ZFP41: variants seen among roughly 807,000 people sequenced by gnomAD.
ZFP41 encodes zinc finger protein 41 homolog.
A neutral mutation model predicts 11.6 loss-of-function variants in ZFP41; 10 were observed. That is an observed-to-expected ratio of 0.86 (90% CI 0.53 to 1.47). The LOEUF (loss-of-function observed/expected upper bound fraction) is 1.47. Ranked by LOEUF, ZFP41 falls within the 40% of genes most tolerant of loss-of-function variation. ZFP41 has a pLI of 0.00. For missense variants in ZFP41, 302 were observed against 264.6 expected, an observed-to-expected ratio of 1.14 and a Z score of -0.98; for synonymous variants, 123 against 100.9, an observed-to-expected ratio of 1.22 and a Z score of -1.31.
At chr8:143,259,722 G>A (rs1366751681) in intron 2 of ZFP41, 53 bp from the exon 3 acceptor site, 1 of 152,034 alleles carries the variant, frequency 6.6e-6, no homozygotes, top group African/African-American at 2.4e-5. Context: ...CAGAGGAACC[G>A]GGTAATCACC....
Position 143,262,015 on chromosome 8 carries a change from G to A in ZFP41, c.*3141G>A, listed in dbSNP as rs984555513. 2 of 208,642 alleles carry A rather than the reference G, an allele frequency of 9.6e-6. No homozygotes were observed. Among genetic ancestry groups the A allele is most frequent in the African/African-American group, 5.0e-5 (2 of 40,284 alleles). 12.9% of individuals were successfully genotyped at this position (208,642 alleles called of 1,614,324 possible). A position where few individuals can be genotyped will look rare whatever the true frequency, so the allele number is the denominator to read the frequency against. ...GCACCTGCCACGCCCGTCTCCGGCAGCCCCTGCCTGCACCCGCACCCCTCA... is the reference window on the plus strand; with the variant it reads ...GCACCTGCCACGCCCGTCTCCGGCAACCCCTGCCTGCACCCGCACCCCTCA... On this transcript the variant is annotated 3_prime_UTR_variant, in exon 3 of 3. Transcript: ENST00000330701.
rs1563730554 is a variant in ZFP41, at chr8:143,260,087, G to GTCGTGCAGGGAAGCACCCTCTGAAA, written c.*1258_*1282dup. 86 of 56,184 alleles carry GTCGTGCAGGGAAGCACCCTCTGAAA rather than the reference G, an allele frequency of 1.5e-3. 1 individual carries two copies. The highest frequency in any genetic ancestry group is 5.0e-3 in the African/African-American group (76 of 15,144). 3.5% of individuals were successfully genotyped at this position (56,184 alleles called of 1,614,324 possible). ...ATCGTGCAGGGAAGCACCCTGTGAA[G>GTCGTGCAGGGAAGCACCCTCTGAAA]TCGTGCAGGGAAGCACCCTCTGAAA... On this transcript the variant is annotated 3_prime_UTR_variant, in exon 3 of 3. Coordinates refer to ENST00000330701, the MANE Select transcript of ZFP41 (RefSeq NM_173832.6).
chr8:143,260,754 G>A lies in ZFP41; in HGVS notation c.*1880G>A. 5.5e-6 allele frequency: 1 copy of A among 181,476 alleles called. No individual in the cohort carries two copies. Among genetic ancestry groups the A allele is most frequent in the South Asian group, 8.1e-5 (1 of 12,418 alleles). The allele number at this position is 181,476 out of a possible 1,614,324, so 11.2% of individuals were successfully genotyped here. A position where few individuals can be genotyped will look rare whatever the true frequency, so the allele number is the denominator to read the frequency against. On this transcript the variant is annotated 3_prime_UTR_variant, in exon 3 of 3. Coordinates refer to ENST00000330701, the MANE Select transcript of ZFP41 (RefSeq NM_173832.6). Reference sequence around the variant, plus strand: ...TTGCTCAGTCACCCTGACCCAGAGGGCTGCCCTGACCAGCGGGCACCATCC... The same window carrying A: ...TTGCTCAGTCACCCTGACCCAGAGGACTGCCCTGACCAGCGGGCACCATCC...
At position 143,262,481 on chromosome 8, in the gene ZFP41, T is replaced by C. The variant is rs577061640; in HGVS notation, c.*3607T>C. On this transcript the variant is annotated 3_prime_UTR_variant, in exon 3 of 3. Coordinates refer to ENST00000330701, the MANE Select transcript of ZFP41 (RefSeq NM_173832.6). The stretch of plus-strand genomic sequence containing the variant: ...TCCTGCCAGCCAAAGCTGCTGAGCA[T>C]TACTCTGATAGACCATCAGTCCTTG... The C allele has an allele frequency of 1.3e-5, 2 of 152,494 alleles. No individual in the cohort carries two copies. Among genetic ancestry groups the C allele is most frequent in the African/African-American group, 4.8e-5 (2 of 41,588 alleles). 9.4% of individuals were successfully genotyped at this position (152,494 alleles called of 1,614,324 possible).
intron 2 of ZFP41, among the ~76,000 whole-genome samples, chr8:143,258,425 A>G (rs58542074): frequency 0.032 from 4,856 of 152,188 alleles, 276 homozygotes; most frequent in African/African-American, 0.11. Flanking sequence ...GCCACACACC[A>G]AGAGAAGGAG....
In ZFP41 at chr8:143,250,094, A is replaced by G. The variant is rs774871553; in HGVS notation, c.251A>G (p.Lys84Arg). The change falls in exon 2 of 3, where the codon AAG becomes AGG. Residue 84 changes from lysine (K) to arginine (R), a missense_variant. Lys to Arg is a conservative substitution (Grantham distance 26). Coordinates refer to ENST00000330701, the MANE Select transcript of ZFP41 (RefSeq NM_173832.6). ...GVPVFIPFQR[K>R]KPYECSECGR... The stretch of plus-strand genomic sequence containing the variant: ...CCCGTGTTCATTCCTTTTCAGAGGA[A>G]GAAACCCTATGAGTGCAGTGAGTGT... 2 of 1,614,088 alleles carry G rather than the reference A, an allele frequency of 1.2e-6. No homozygotes were observed. Among genetic ancestry groups the G allele is most frequent in the South Asian group, 2.2e-5 (2 of 91,092 alleles).
At chr8:143,257,709 A>G (rs1409321671) in intron 2 of ZFP41, among the ~76,000 whole-genome samples, 1 of 152,254 alleles carries the variant, frequency 6.6e-6, no homozygotes, top group Non-Finnish European at 1.5e-5. Context: ...GATGCTGAAA[A>G]GGTGAGAAAA....
rs1219225352 is a variant in ZFP41, at chr8:143,259,998, A to G, written c.*1124A>G. 6.5e-6 allele frequency: 1 copy of G among 153,806 alleles called. No homozygotes were observed. The highest frequency in any genetic ancestry group is 1.5e-5 in the Non-Finnish European group (1 of 68,940). 9.5% of individuals were successfully genotyped at this position (153,806 alleles called of 1,614,324 possible). A position where few individuals can be genotyped will look rare whatever the true frequency, so the allele number is the denominator to read the frequency against. On this transcript the variant is annotated 3_prime_UTR_variant, in exon 3 of 3. Coordinates refer to ENST00000330701, the MANE Select transcript of ZFP41 (RefSeq NM_173832.6). ...GGTGTGCGGCAGAGTGCGTGCAGGGAAGCAGCCTCTGAAATCGTGCAGGGA... is the reference window on the plus strand; with the variant it reads ...GGTGTGCGGCAGAGTGCGTGCAGGGGAGCAGCCTCTGAAATCGTGCAGGGA...
chr8:143,257,543 C>CAA (rs1345964110), intron 2 of ZFP41, among the ~76,000 whole-genome samples: 1 of 152,112 alleles, frequency 6.6e-6, no homozygotes, highest in Non-Finnish European at 1.5e-5. Flanking sequence ...CTTATTAATA[C>CAA]AATTAATGGA....
chr8:143,252,677 C>CCA lies in ZFP41; in HGVS notation c.*900+1338_*900+1339insAC, dbSNP rs1164520485. 3.1e-6 allele frequency: 3 copies of CCA among 975,978 alleles called. No homozygotes were observed. In the African/African-American group the frequency reaches 5.3e-5, roughly 17 times the overall value. 60.5% of individuals were successfully genotyped at this position (975,978 alleles called of 1,614,324 possible). On this transcript the variant is annotated intron_variant, in intron 2 of 2. Transcript: ENST00000330701. ...GTGGCAAGTCCCGTGGTGTCGTGTA[C>CCA]CTGCCTCTGTGATGACTGTGTCTCA...
chr8:143,249,510 G>C (rs942239905), intron 1 of ZFP41, 180 bp from the exon 2 acceptor site: 7 of 223,486 alleles, frequency 3.1e-5, no homozygotes, highest in African/African-American at 1.6e-4. Flanking sequence ...GTGAGCAACT[G>C]ATCCCTTCAT....
intron 2 of ZFP41, among the ~76,000 whole-genome samples, chr8:143,255,918 T>C (rs1470858473): frequency 1.1e-5 from 1 of 92,444 alleles, no homozygotes; most frequent in African/African-American, 4.7e-5. Flanking sequence ...CTGGTGTTAG[T>C]GAGATCACGG....
At chr8:143,252,038 CCTCT>C (rs1814776480) in intron 2 of ZFP41, among the ~76,000 whole-genome samples, 6 of 152,190 alleles carry the variant, frequency 3.9e-5, no homozygotes. Context: ...CGGCTCCCAG[CCTCT>C]CTCATGCCCA....
chr8:143,247,903 T>G (rs925142808), intron 1 of ZFP41, among the ~76,000 whole-genome samples: 1 of 152,178 alleles, frequency 6.6e-6, no homozygotes, highest in Non-Finnish European at 1.5e-5. Context: ...CACTGCAACT[T>G]CTATCTCCTG....
chr8:143,256,306 G>T (rs1161362999), intron 2 of ZFP41, among the ~76,000 whole-genome samples: 1 of 95,132 alleles, frequency 1.1e-5, no homozygotes, highest in Non-Finnish European at 2.1e-5. Context: ...ATCAGGGCTC[G>T]CCCCGCGTGC....
At chr8:143,254,718 C>T (rs1814866768) in intron 2 of ZFP41, among the ~76,000 whole-genome samples, 2 of 151,362 alleles carry the variant, frequency 1.3e-5, no homozygotes, top group East Asian at 3.9e-4. Context: ...CCACAACCTC[C>T]ACCTCCCGCG....
chr8:143,254,432 G>A (rs939368743), intron 2 of ZFP41, among the ~76,000 whole-genome samples: 7 of 152,286 alleles, frequency 4.6e-5, no homozygotes, highest in African/African-American at 1.4e-4. Flanking sequence ...ACCAGGGGGC[G>A]GGACAGGGAG....
At chr8:143,249,594 G>T in intron 1 of ZFP41, 96 bp from the exon 2 acceptor site, 1 of 474,444 alleles carries the variant, frequency 2.1e-6, no homozygotes, top group Non-Finnish European at 3.6e-6. Context: ...AGACACTCTT[G>T]GGGGAACACA....
rs1384858076 is a variant in ZFP41, at chr8:143,261,184, CG to C, written c.*2312del. The C allele has an allele frequency of 6.6e-6, 1 of 152,312 alleles. No individual in the cohort carries two copies. Among genetic ancestry groups the C allele is most frequent in the East Asian group, 1.9e-4 (1 of 5,198 alleles). The allele number at this position is 152,312 out of a possible 1,614,324, so 9.4% of individuals were successfully genotyped here. A position where few individuals can be genotyped will look rare whatever the true frequency, so the allele number is the denominator to read the frequency against. On this transcript the variant is annotated 3_prime_UTR_variant, in exon 3 of 3. Transcript: ENST00000330701. ...TCCACCTGCGTTTCTGGGGAGCCCA[CG>C]GACCCTGGGGTGTACCTGGGTTTCA... is the stretch of plus-strand genomic sequence containing the variant.
Sources: allele counts gnomAD v4.1 joint callset (sites outside exome capture counted in the v4.1 genomes callset), GRCh38; gene constraint gnomAD v4.1.1; transcripts MANE v1.5; gene names NCBI Gene and HGNC (gene_info 2026-07-23, HGNC 2026-07-21).